KY: variants seen among roughly 807,000 people sequenced by gnomAD.
KY encodes the protein kyphoscoliosis peptidase.
Under a neutral mutation model 76.1 loss-of-function variants are expected in KY, and 43 were observed. The observed-to-expected ratio is 0.57, with a 90% CI of 0.44 to 0.73. The LOEUF (loss-of-function observed/expected upper bound fraction) is 0.73. KY is among the 30% of genes least tolerant of loss of function. The probability of loss-of-function intolerance (pLI) is 0.00; values close to 1 mark genes in which losing one functional copy is unlikely to be tolerated. For synonymous variants in KY, 277 were observed against 326.2 expected, an observed-to-expected ratio of 0.85 and a Z score of 1.63; for missense variants, 722 against 828.9, an observed-to-expected ratio of 0.87 and a Z score of 1.58.
chr3:134,629,598 A>G (rs1963951140), intron 4 of KY, 23 bp downstream of exon 4: 3 of 1,575,808 alleles, frequency 1.9e-6, no homozygotes, highest in South Asian at 1.2e-5. Context: ...GCCCTCCACC[A>G]TGAGTACCTG....
intron 3 of KY, among the ~76,000 whole-genome samples, chr3:134,632,164 A>G (rs1336321940): frequency 1.3e-5 from 2 of 152,138 alleles, no homozygotes; most frequent in Non-Finnish European, 2.9e-5. Context: ...ATCTACAATT[A>G]TAGTTCGAGA....
In KY at chr3:134,642,337, G is replaced by A. The variant is rs774660126; in HGVS notation, c.262+979C>T. Among the ~76,000 whole-genome samples the A allele has an allele frequency of 4.6e-5, 7 of 152,306 alleles. No individual in the cohort carries two copies. In the South Asian group the frequency reaches 6.2e-4, roughly 14 times the overall value. On this transcript the variant is annotated intron_variant, in intron 3 of 10. Coordinates refer to ENST00000423778, the MANE Select transcript of KY (RefSeq NM_178554.6). ...ATTTGATCAGATAATTTCCTTATAGGTTAGGACATCAACTCTCAGAGCAAG... is the reference window on the plus strand; with the variant it reads ...ATTTGATCAGATAATTTCCTTATAGATTAGGACATCAACTCTCAGAGCAAG...
chr3:134,614,612 G>T (rs528941386), intron 8 of KY, among the ~76,000 whole-genome samples: 4 of 152,018 alleles, frequency 2.6e-5, no homozygotes, highest in Non-Finnish European at 5.9e-5. Context: ...CATTACCTGG[G>T]TTACCCTTGA....
intron 2 of KY, among the ~76,000 whole-genome samples, chr3:134,645,075 G>C (rs1490386034): frequency 1.3e-5 from 2 of 152,222 alleles, no homozygotes; most frequent in African/African-American, 4.8e-5. Context: ...TAGCTGCTGT[G>C]GGGTATTTAT....
intron 6 of KY, 95 bp from the exon 7 acceptor site, chr3:134,620,952 C>T (rs1962513295): frequency 1.7e-5 from 13 of 754,400 alleles, no homozygotes; most frequent in Middle Eastern, 3.1e-4. Context: ...GCTCTTCCTC[C>T]AGGCAGAGAA....
At chr3:134,610,711 C>T (rs545588305) in intron 8 of KY, 1 of 226,166 alleles carries the variant, frequency 4.4e-6, no homozygotes, top group South Asian at 1.7e-4. Context: ...AGCAGCTCTT[C>T]AGGAGGAAAA....
intron 8 of KY, among the ~76,000 whole-genome samples, chr3:134,613,755 A>C (rs1960980334): frequency 6.6e-6 from 1 of 152,230 alleles, no homozygotes; most frequent in Admixed American, 6.5e-5. Context: ...AATTGGACAA[A>C]GAAGGTCATA....
intron 8 of KY, among the ~76,000 whole-genome samples, chr3:134,618,251 A>G (rs1354525705): frequency 2.6e-5 from 4 of 152,134 alleles, no homozygotes; most frequent in African/African-American, 9.7e-5. Context: ...AGTGCTCGGC[A>G]GCTGCCGCCT....
chr3:134,609,772 G>A (rs1386935189), intron 9 of KY, among the ~76,000 whole-genome samples: 1 of 152,302 alleles, frequency 6.6e-6, no homozygotes, highest in South Asian at 2.1e-4. Flanking sequence ...TCAGACCTGA[G>A]AGGAGAAGGA....
chr3:134,639,070 G>GTTTT (rs35303789), intron 3 of KY, among the ~76,000 whole-genome samples: 9 of 128,534 alleles, frequency 7.0e-5, no homozygotes, highest in Non-Finnish European at 9.6e-5. Flanking sequence ...CTACTTTGGA[G>GTTTT]TTTTTTTTTT....
At chr3:134,644,703 C>G (rs556224158) in intron 2 of KY, among the ~76,000 whole-genome samples, 1 of 152,208 alleles carries the variant, frequency 6.6e-6, no homozygotes, top group East Asian at 1.9e-4. Context: ...GCAGATCAGC[C>G]GCTCAGTGGT....
intron 4 of KY, chr3:134,628,188 A>G (rs1377269547): frequency 3.9e-6 from 1 of 254,334 alleles, no homozygotes; most frequent in African/African-American, 2.2e-5. Context: ...TAATGCCGGG[A>G]TAAGAACTGA....
In KY at chr3:134,626,806, G is replaced by A. The variant is rs546838148; in HGVS notation, c.400+950C>T. 9.8e-5 allele frequency among the ~76,000 whole-genome samples: 15 copies of A among 152,300 alleles called. No individual in the cohort carries two copies. In the South Asian group the frequency reaches 2.5e-3, roughly 25 times the overall value. On this transcript the variant is annotated intron_variant, in intron 5 of 10. Transcript: ENST00000423778. ...GCCACCATGACTTATGTCATCAACC[G>A]CTGTGCTGTGTGGTCCAAATGCAAC... is the stretch of plus-strand genomic sequence containing the variant.
intron 1 of KY, among the ~76,000 whole-genome samples, chr3:134,649,526 C>A (rs1335578672): frequency 6.6e-6 from 1 of 152,204 alleles, no homozygotes; most frequent in Non-Finnish European, 1.5e-5. Context: ...TTGATGCCCT[C>A]TGTTGACTTT....
intron 9 of KY, 122 bp from the exon 10 acceptor site, chr3:134,608,961 C>T (rs1051692178): frequency 1.8e-6 from 2 of 1,133,930 alleles, no homozygotes; most frequent in African/African-American, 3.1e-5. Flanking sequence ...CCGACCCTAA[C>T]ATGGGCACTG....
At position 134,604,458 on chromosome 3, in the gene KY, C is replaced by T. The variant is rs764179553; in HGVS notation, c.1107G>A (p.Thr369=). Residue 369 remains threonine, a synonymous_variant, in exon 11 of 11, where the codon ACG becomes ACA. Transcript: ENST00000423778. The part of the protein sequence containing the change: ...SMIRTVNGKA[T]VTIESCAPTL... The stretch of plus-strand genomic sequence containing the variant: ...TCGGGGCGCAGCTCTCAATGGTGAC[C>T]GTGGCCTTCCCATTCACTGAGGAGA... 1.0e-5 allele frequency: 16 copies of T among 1,606,082 alleles called. No homozygotes were observed. The highest frequency in any genetic ancestry group is 4.0e-5 in the African/African-American group (3 of 74,896).
In KY at chr3:134,629,701, A is replaced by G; in HGVS notation, c.263-6T>C. The G allele has an allele frequency of 6.3e-7, 1 of 1,578,764 alleles. No homozygotes were observed. The highest frequency in any genetic ancestry group is 8.6e-7 in the Non-Finnish European group (1 of 1,160,176). On this transcript the variant is annotated splice_polypyrimidine_tract_variant and splice_region_variant and intron_variant, in intron 3 of 10. Transcript: ENST00000423778. ...TTCCACAGTCAGTTGTGTCCCTACAAAGGAAAAGGAGATGACATTCTCAAC... is the reference window on the plus strand; with the variant it reads ...TTCCACAGTCAGTTGTGTCCCTACAGAGGAAAAGGAGATGACATTCTCAAC...
In KY at chr3:134,601,615, A is replaced by G. The variant is rs1438038165; in HGVS notation, c.*1964T>C. On this transcript the variant is annotated 3_prime_UTR_variant, in exon 11 of 11. Coordinates refer to ENST00000423778, the MANE Select transcript of KY (RefSeq NM_178554.6). ...TGTTATGCCTCCGGGGCCTTTGTGC[A>G]TTTTTCAGGTGTGAGTGACACGAGG... 2.0e-5 allele frequency among the ~76,000 whole-genome samples: 3 copies of G among 151,854 alleles called. No homozygotes were observed. Among genetic ancestry groups the G allele is most frequent in the South Asian group, 2.1e-4 (1 of 4,824 alleles).
intron 2 of KY, 65 bp from the exon 3 acceptor site, chr3:134,643,443 A>G (rs1577813529): frequency 2.1e-6 from 3 of 1,424,542 alleles, no homozygotes; most frequent in Admixed American, 1.7e-5. Flanking sequence ...CAGAGCAAAG[A>G]GCTGTATGTG....
Sources: allele counts gnomAD v4.1 joint callset (sites outside exome capture counted in the v4.1 genomes callset), GRCh38; gene constraint gnomAD v4.1.1; transcripts MANE v1.5; gene names NCBI Gene and HGNC (gene_info 2026-07-23, HGNC 2026-07-21).